The following TXNDC16 variants were observed in gnomAD, a reference collection of about 807,000 sequenced individuals.
The protein encoded by TXNDC16 is thioredoxin domain containing 16.
A neutral mutation model predicts 85.6 loss-of-function variants in TXNDC16; 74 were observed. The observed-to-expected ratio is 0.86, with a 90% CI of 0.72 to 1.05. TXNDC16 has a LOEUF of 1.05. TXNDC16 is among the 50% of genes least tolerant of loss of function. The pLI, the probability that TXNDC16 is intolerant of heterozygous loss-of-function variation, is 0.00. For synonymous variants in TXNDC16, 335 were observed against 326.5 expected (o/e 1.03, Z -0.28); for missense variants, 959 against 947.0 (o/e 1.01, Z -0.17).
At chr14:52,470,938 C>A (rs1305345861) in intron 14 of TXNDC16, among the ~76,000 whole-genome samples, 1 of 152,140 alleles carries the variant, frequency 6.6e-6, no homozygotes, top group South Asian at 2.1e-4. Flanking sequence ...TCAGCTTAAG[C>A]TGCCTTCTCT....
Position 52,455,400 on chromosome 14 carries a change from A to C in TXNDC16, c.1766T>G (p.Ile589Arg). 1 of 1,613,922 alleles carries C rather than the reference A, an allele frequency of 6.2e-7. No homozygotes were observed. The change falls in exon 18 of 21, where the codon ATA (isoleucine) becomes AGA (arginine). Residue 589 changes from isoleucine (I) to arginine (R), a missense_variant. Physicochemically the swap from Ile to Arg is moderately conservative, Grantham distance 97. Transcript: ENST00000281741. Reference sequence around the variant, plus strand: ...TGTGCTAGCTAGTGGGATGCTCTCTATTTTGCCTTCTGTGTGTCTGGCAAG... The same window carrying C: ...TGTGCTAGCTAGTGGGATGCTCTCTCTTTTGCCTTCTGTGTGTCTGGCAAG... ...LLLARHTEGK[I>R]ESIPLASTHA...
chr14:52,549,933 G>A (rs776666467), intron 1 of TXNDC16, among the ~76,000 whole-genome samples: 5 of 152,112 alleles, frequency 3.3e-5, no homozygotes, highest in East Asian at 1.9e-4. Flanking sequence ...CACCATGCCC[G>A]ACCCAAACAG....
At chr14:52,529,368 T>C (rs968958822) in intron 6 of TXNDC16, among the ~76,000 whole-genome samples, 1 of 150,972 alleles carries the variant, frequency 6.6e-6, no homozygotes, top group South Asian at 2.1e-4. Flanking sequence ...ATATACCTAA[T>C]ATTAAATGAC....
At chr14:52,440,396 G>GTCA (rs113611975) in intron 19 of TXNDC16, among the ~76,000 whole-genome samples, 168 bp downstream of exon 19, 5,014 of 152,074 alleles carry the variant, frequency 0.033, 244 homozygotes, top group African/African-American at 0.11. Flanking sequence ...CTAAAATAAG[G>GTCA]TCATCTTGGA....
chr14:52,504,500 C>CT (rs1566565388), intron 9 of TXNDC16, among the ~76,000 whole-genome samples: 1 of 152,122 alleles, frequency 6.6e-6, no homozygotes, highest in Non-Finnish European at 1.5e-5. Context: ...AAATAAAATA[C>CT]TTTACAGACA....
intron 14 of TXNDC16, among the ~76,000 whole-genome samples, chr14:52,477,648 C>G (rs1344228691): frequency 1.3e-5 from 2 of 152,102 alleles, no homozygotes; most frequent in Non-Finnish European, 2.9e-5. Context: ...TATATATGCA[C>G]CTAACATTGG....
intron 4 of TXNDC16, among the ~76,000 whole-genome samples, chr14:52,538,319 T>A (rs940585246): frequency 1.3e-5 from 2 of 152,162 alleles, no homozygotes; most frequent in African/African-American, 4.8e-5. Context: ...TTGCAAAGAA[T>A]GGTACAACAG....
chr14:52,477,771 A>C (rs1277154859), intron 14 of TXNDC16, among the ~76,000 whole-genome samples: 2 of 152,208 alleles, frequency 1.3e-5, no homozygotes, highest in Admixed American at 6.5e-5. Context: ...CAGGTCATCA[A>C]GACAGAAGGT....
chr14:52,497,385 T>C (rs1454515632), intron 9 of TXNDC16, among the ~76,000 whole-genome samples: 1 of 152,010 alleles, frequency 6.6e-6, no homozygotes, highest in African/African-American at 2.4e-5. Context: ...CAATGGAAAA[T>C]CCAACTAAAC....
intron 16 of TXNDC16, among the ~76,000 whole-genome samples, chr14:52,466,477 TCTTTAA>T (rs2035778419): frequency 6.7e-6 from 1 of 150,282 alleles, no homozygotes; most frequent in Non-Finnish European, 1.5e-5. Flanking sequence ...ATTGAAACGA[TCTTTAA>T]CTTTATAGGT....
chr14:52,520,310 A>C (rs1468477884), intron 6 of TXNDC16, among the ~76,000 whole-genome samples: 1 of 152,156 alleles, frequency 6.6e-6, no homozygotes. Context: ...TATTCATCCA[A>C]AATTATCCCT....
intron 17 of TXNDC16, among the ~76,000 whole-genome samples, chr14:52,455,910 C>T (rs1013005759): frequency 1.7e-4 from 26 of 152,164 alleles, no homozygotes; most frequent in African/African-American, 6.0e-4. Flanking sequence ...ATTATGACCT[C>T]ATTTTGCAGA....
At chr14:52,458,617 T>C (rs2035588736) in intron 16 of TXNDC16, among the ~76,000 whole-genome samples, 1 of 152,182 alleles carries the variant, frequency 6.6e-6, no homozygotes, top group South Asian at 2.1e-4. Flanking sequence ...CCATGCTACA[T>C]CAAAGTAGAA....
Position 52,457,188 on chromosome 14 carries a change from G to C in TXNDC16, c.1619-14C>G. On this transcript the variant is annotated splice_polypyrimidine_tract_variant and intron_variant, in intron 16 of 20. Coordinates refer to ENST00000281741, the MANE Select transcript of TXNDC16 (RefSeq NM_020784.3). Reference sequence around the variant, plus strand: ...AATCTTCTTTTGCTATAAATACATAGAGAAGACAAAAATCTGAAACCTTTA... The same window carrying C: ...AATCTTCTTTTGCTATAAATACATACAGAAGACAAAAATCTGAAACCTTTA... 14 of 1,480,584 alleles carry C rather than the reference G, an allele frequency of 9.5e-6. No homozygotes were observed. The highest frequency in any genetic ancestry group is 4.8e-5 in the East Asian group (2 of 41,384). 91.7% of individuals were successfully genotyped at this position (1,480,584 alleles called of 1,614,324 possible). A position where few individuals can be genotyped will look rare whatever the true frequency, so the allele number is the denominator to read the frequency against.
chr14:52,520,500 C>T (rs2037185187), intron 6 of TXNDC16, among the ~76,000 whole-genome samples: 1 of 152,028 alleles, frequency 6.6e-6, no homozygotes, highest in Non-Finnish European at 1.5e-5. Context: ...GTCCCAGCTA[C>T]TCGGGAGGCT....
At chr14:52,520,346 G>A (rs578024616) in intron 6 of TXNDC16, among the ~76,000 whole-genome samples, 69 of 152,178 alleles carry the variant, frequency 4.5e-4, no homozygotes, top group African/African-American at 1.5e-3. Flanking sequence ...ACTTCTGGCC[G>A]AGCACAGTGG....
intron 1 of TXNDC16, among the ~76,000 whole-genome samples, chr14:52,548,814 A>T (rs996582739): frequency 6.6e-6 from 1 of 151,702 alleles, no homozygotes; most frequent in African/African-American, 2.4e-5. Flanking sequence ...CCCAAGAGGC[A>T]GAGGTTGCAG....
chr14:52,548,639 T>C (rs555499991), intron 1 of TXNDC16, among the ~76,000 whole-genome samples: 1 of 152,182 alleles, frequency 6.6e-6, no homozygotes, highest in Admixed American at 6.5e-5. Context: ...CCCAGCACTT[T>C]GGGAGGCCGA....
chr14:52,529,574 T>C (rs1185059657), intron 6 of TXNDC16, among the ~76,000 whole-genome samples: 1 of 93,030 alleles, frequency 1.1e-5, no homozygotes, highest in South Asian at 3.1e-4. Context: ...CTATTATATA[T>C]AATATATATA....
Sources: gnomAD v4.1 joint callset for allele counts (sites outside exome capture counted in the v4.1 genomes callset) on GRCh38, gnomAD v4.1.1 for gene constraint, MANE v1.5 for transcripts, NCBI Gene and HGNC (gene_info 2026-07-23, HGNC 2026-07-21) for gene names.